Variants in RUNX2 observed in about 807,000 individuals in gnomAD.
RUNX2 encodes the protein runt-related transcription factor 2.
RUNX2 carries 10 observed loss-of-function variants against 51.7 expected under a neutral mutation model. That is an observed-to-expected ratio of 0.19 (90% confidence interval 0.12 to 0.33). The LOEUF (loss-of-function observed/expected upper bound fraction) is 0.33. Among genes scored for constraint, RUNX2 ranks in the 10% least tolerant of loss-of-function variants. RUNX2 has a pLI of 1.00. For synonymous variants in RUNX2, 276 were observed against 273.6 expected (o/e 1.01, Z -0.09); for missense variants, 562 against 691.3 (o/e 0.81, Z 2.10).
chr6:45,456,487 G>A (rs1047352249), intron 5 of RUNX2, among the ~76,000 whole-genome samples: 2 of 152,164 alleles, frequency 1.3e-5, no homozygotes, highest in Non-Finnish European at 2.9e-5. Flanking sequence ...CATATGAAGT[G>A]TACATTCTTC....
chr6:45,479,036 G>A (rs1253837303), intron 5 of RUNX2, among the ~76,000 whole-genome samples: 3 of 152,056 alleles, frequency 2.0e-5, no homozygotes, highest in East Asian at 1.9e-4. Flanking sequence ...TAAGGTGCAC[G>A]CAATAGGACA....
chr6:45,377,722 T>C (rs2150337916), intron 2 of RUNX2: 1 of 152,202 alleles, frequency 6.6e-6, no homozygotes, highest in Middle Eastern at 3.4e-3. Context: ...CTCTCTGACG[T>C]CTCCCCCGCC....
chr6:45,476,374 G>A (rs1799957098), intron 5 of RUNX2, among the ~76,000 whole-genome samples: 1 of 145,856 alleles, frequency 6.9e-6, no homozygotes, highest in Non-Finnish European at 1.6e-5. Context: ...GGCTGGGGAG[G>A]ATGGTTAATT....
rs564670225 is a variant in RUNX2 at position 45,445,215 on chromosome 6, G to C, written c.685+7164G>C. Among the ~76,000 whole-genome samples the C allele has an allele frequency of 2.0e-5, 3 of 152,060 alleles. No individual in the cohort carries two copies. The East Asian group carries it at 5.8e-4, about 30-fold the overall frequency. ...AATTTTTTGTATTTTTAGTGGAGACGGGATTTCACCATGTTGGCCAGGCTG... is the reference window on the plus strand; with the variant it reads ...AATTTTTTGTATTTTTAGTGGAGACCGGATTTCACCATGTTGGCCAGGCTG... On this transcript the variant is annotated intron_variant, in intron 5 of 8. Transcript: ENST00000647337.
At chr6:45,346,668 A>G (rs1406005811) in intron 2 of RUNX2, among the ~76,000 whole-genome samples, 1 of 151,536 alleles carries the variant, frequency 6.6e-6, no homozygotes, top group African/African-American at 2.4e-5. Context: ...CCTGGGTTCA[A>G]GCAATTCTCT....
intron 2 of RUNX2, among the ~76,000 whole-genome samples, chr6:45,417,194 G>A (rs1378738736): frequency 6.6e-6 from 1 of 152,152 alleles, no homozygotes; most frequent in East Asian, 1.9e-4. Flanking sequence ...AGCTCATTGA[G>A]TTTCTTGTGT....
intron 7 of RUNX2, among the ~76,000 whole-genome samples, chr6:45,519,665 G>C (rs1392789260): frequency 2.0e-5 from 3 of 151,886 alleles, no homozygotes; most frequent in Admixed American, 6.6e-5. Context: ...AGCTTTTGCA[G>C]ACTGGCTTCT....
In RUNX2 at chr6:45,519,802, G is replaced by A. The variant is rs1363385509; in HGVS notation, c.1021+7395G>A. Among the ~76,000 whole-genome samples the A allele has an allele frequency of 4.4e-3, 488 of 110,696 alleles. 9 individuals are homozygous for A. The highest frequency in any genetic ancestry group is 0.012 in the African/African-American group (389 of 31,146). The allele number at this position is 110,696 out of a possible 152,430, so 72.6% of individuals were successfully genotyped here. Reference sequence around the variant, plus strand: ...TATATATATATATATGTGTGTGTGTGTGTGTGTGTGTGTGTGTGTGTGTGT... The same window carrying A: ...TATATATATATATATGTGTGTGTGTATGTGTGTGTGTGTGTGTGTGTGTGT... On this transcript the variant is annotated intron_variant, in intron 7 of 8. Coordinates refer to ENST00000647337, the MANE Select transcript of RUNX2 (RefSeq NM_001024630.4).
At chr6:45,497,323 T>C (rs1174639749) in intron 6 of RUNX2, among the ~76,000 whole-genome samples, 1 of 152,180 alleles carries the variant, frequency 6.6e-6, no homozygotes, top group Non-Finnish European at 1.5e-5. Flanking sequence ...AGGATATTTT[T>C]TTCCTTGGTT....
chr6:45,512,432 A>T (rs766057944), intron 7 of RUNX2, 25 bp downstream of exon 7: 35 of 1,613,012 alleles, frequency 2.2e-5, no homozygotes, highest in Non-Finnish European at 2.9e-5. Flanking sequence ...TTAACTAAAA[A>T]TCCATCCCTG....
intron 7 of RUNX2, among the ~76,000 whole-genome samples, chr6:45,514,741 G>A (rs539642415): frequency 4.6e-5 from 7 of 152,200 alleles, no homozygotes; most frequent in African/African-American, 1.7e-4. Flanking sequence ...CATGTCATCG[G>A]AGTGTGCACC....
At chr6:45,442,342 A>G (rs1798865548) in intron 5 of RUNX2, among the ~76,000 whole-genome samples, 1 of 152,244 alleles carries the variant, frequency 6.6e-6, no homozygotes, top group Non-Finnish European at 1.5e-5. Flanking sequence ...CTGAAGAACA[A>G]CTGTCAGCCG....
rs1802269212 is a variant in RUNX2 at position 45,542,726 on chromosome 6, C to T, written c.1022-2491C>T. On this transcript the variant is annotated intron_variant, in intron 7 of 8. Coordinates refer to ENST00000647337, the MANE Select transcript of RUNX2 (RefSeq NM_001024630.4). ...TTGAGTATTTTTCATTTAGGCAAATCAACTTCTAAGATAGCAGGTGTGTAT... is the reference window on the plus strand; with the variant it reads ...TTGAGTATTTTTCATTTAGGCAAATTAACTTCTAAGATAGCAGGTGTGTAT... Among the ~76,000 whole-genome samples the T allele has an allele frequency of 2.6e-5, 4 of 152,292 alleles. No individual in the cohort carries two copies. In the South Asian group the frequency reaches 8.3e-4, roughly 32 times the overall value.
At chr6:45,379,207 T>G (rs1797160608) in intron 2 of RUNX2, among the ~76,000 whole-genome samples, 3 of 152,164 alleles carry the variant, frequency 2.0e-5, no homozygotes, top group Admixed American at 2.0e-4. Flanking sequence ...TAGATATATT[T>G]AGGATGTGAG....
At chr6:45,366,536 A>G (rs557041192) in intron 2 of RUNX2, among the ~76,000 whole-genome samples, 88 of 152,336 alleles carry the variant, frequency 5.8e-4, no homozygotes, top group Non-Finnish European at 6.8e-4. Context: ...GGGAAAGTTA[A>G]AGAAGAAAAA....
At chr6:45,500,776 C>T (rs569275310) in intron 6 of RUNX2, among the ~76,000 whole-genome samples, 97 of 152,308 alleles carry the variant, frequency 6.4e-4, no homozygotes, top group African/African-American at 2.2e-3. Context: ...ACAGTGGTTA[C>T]AGTTTGTGAC....
chr6:45,378,775 A>G (rs2150340446), intron 2 of RUNX2, among the ~76,000 whole-genome samples: 1 of 151,750 alleles, frequency 6.6e-6, no homozygotes, highest in South Asian at 2.1e-4. Flanking sequence ...TAATTGATAT[A>G]GATGTAGTTC....
intron 4 of RUNX2, among the ~76,000 whole-genome samples, chr6:45,433,584 T>C (rs1453788570): frequency 6.6e-6 from 1 of 152,168 alleles, no homozygotes; most frequent in Non-Finnish European, 1.5e-5. Context: ...GTGTTTTCAT[T>C]TATCTTACTT....
rs146028707 is a variant in RUNX2, at chr6:45,422,351, G to T, written c.59-242G>T. Reference sequence around the variant, plus strand: ...TCCGGCAAAGATCTGCGCCTCCCGGGTCTCCCTACCCGCCAGCCCGACTGC... The same window carrying T: ...TCCGGCAAAGATCTGCGCCTCCCGGTTCTCCCTACCCGCCAGCCCGACTGC... On this transcript the variant is annotated intron_variant, in intron 2 of 8. Coordinates refer to ENST00000647337, the MANE Select transcript of RUNX2 (RefSeq NM_001024630.4). 0.013 allele frequency: 6,662 copies of T among 500,894 alleles called. 66 individuals are homozygous for T. The highest frequency in any genetic ancestry group is 0.018 in the Non-Finnish European group (4,981 of 283,288). The allele number at this position is 500,894 out of a possible 1,614,324, so 31.0% of individuals were successfully genotyped here. A position where few individuals can be genotyped will look rare whatever the true frequency, so the allele number is the denominator to read the frequency against.
Sources: allele counts gnomAD v4.1 joint callset (sites outside exome capture counted in the v4.1 genomes callset), GRCh38; gene constraint gnomAD v4.1.1; transcripts MANE v1.5; gene names NCBI Gene and HGNC (gene_info 2026-07-23, HGNC 2026-07-21).